Variants in FAAH2 observed in about 807,000 individuals in gnomAD.
FAAH2 encodes the protein fatty acid amide hydrolase 2, also known as fatty-acid amide hydrolase 2.
Under a neutral mutation model 36.9 loss-of-function variants are expected in FAAH2, and 60 were observed. That is an observed-to-expected ratio of 1.63 (90% CI 1.32 to 2.02). The LOEUF is 2.02. Ranked by LOEUF, FAAH2 falls within the 30% of genes most tolerant of loss-of-function variation. The pLI, the probability that FAAH2 is intolerant of heterozygous loss-of-function variation, is 0.00. For missense variants in FAAH2, 689 were observed against 397.5 expected (o/e 1.73, Z -6.23); for synonymous variants, 214 against 143.8 (o/e 1.49, Z -3.49).
chrX:57,465,196 TTAATC>T (rs1223434185), intron 10 of FAAH2, among the ~76,000 whole-genome samples: 2 of 111,444 alleles, frequency 1.8e-5, no homozygotes, highest in African/African-American at 3.2e-5. Flanking sequence ...TTGGCATAAT[TTAATC>T]TAATGAACAG....
At chrX:57,288,507 G>T (rs1160698027) in intron 1 of FAAH2, among the ~76,000 whole-genome samples, 1 of 107,990 alleles carries the variant, frequency 9.3e-6, no homozygotes, top group Non-Finnish European at 1.9e-5. Flanking sequence ...CCGCCACCAT[G>T]CCCGGCTAAT....
intron 7 of FAAH2, among the ~76,000 whole-genome samples, chrX:57,385,038 C>G (rs986114359): frequency 9.1e-6 from 1 of 110,456 alleles, no homozygotes. Flanking sequence ...GGACAGAAAA[C>G]CAAATACCGC....
chrX:57,349,738 C>A (rs1349689065), intron 5 of FAAH2, among the ~76,000 whole-genome samples: 1 of 107,777 alleles, frequency 9.3e-6, no homozygotes, highest in Non-Finnish European at 1.9e-5. Flanking sequence ...TTAAAAAAAA[C>A]CAAGGCCTCC....
At chrX:57,159,805 C>A in the FAAH2 span, among the ~76,000 whole-genome samples, 1 of 111,728 alleles carries the variant, frequency 9.0e-6, no homozygotes, top group African/African-American at 3.3e-5. Context: ...TTGACTTCCT[C>A]TTTTCCTAAA....
chrX:57,467,684 G>T (rs567457668), intron 10 of FAAH2, among the ~76,000 whole-genome samples: 1 of 112,121 alleles, frequency 8.9e-6, no homozygotes, highest in South Asian at 3.7e-4. Flanking sequence ...GCAGGGCATA[G>T]CCAAACAAAA....
At chrX:57,190,778 C>T in the FAAH2 span, among the ~76,000 whole-genome samples, 4 of 110,152 alleles carry the variant, frequency 3.6e-5, no homozygotes, top group East Asian at 8.6e-4. Context: ...GTTGGGAATG[C>T]AGAAATCACC....
intron 10 of FAAH2, among the ~76,000 whole-genome samples, chrX:57,456,066 A>G (rs1261168464): frequency 8.9e-6 from 1 of 111,874 alleles, no homozygotes; most frequent in African/African-American, 3.3e-5. Flanking sequence ...AAAGCAAATC[A>G]CAATAAATTC....
the FAAH2 span, among the ~76,000 whole-genome samples, chrX:57,125,596 A>T: frequency 5.4e-5 from 6 of 111,691 alleles, no homozygotes; most frequent in African/African-American, 2.0e-4. Flanking sequence ...TGCCTCTTGG[A>T]CCTGTTCTCC....
chrX:57,156,884 C>A, the FAAH2 span, among the ~76,000 whole-genome samples: 1 of 111,773 alleles, frequency 8.9e-6, no homozygotes, highest in African/African-American at 3.3e-5. Context: ...TGGACCTCAC[C>A]AAAGGCCCAC....
At chrX:57,132,775 G>C in the FAAH2 span, among the ~76,000 whole-genome samples, 1 of 112,447 alleles carries the variant, frequency 8.9e-6, no homozygotes, top group Non-Finnish European at 1.9e-5. Flanking sequence ...ATTAATACGT[G>C]GATGGCTTTC....
intron 3 of FAAH2, among the ~76,000 whole-genome samples, chrX:57,328,088 G>A (rs1462322341): frequency 1.8e-5 from 2 of 112,220 alleles, no homozygotes; most frequent in Non-Finnish European, 3.8e-5. Flanking sequence ...GTCTGTTGGA[G>A]TTTGCTGGAG....
At chrX:57,405,101 G>T (rs2055534098) in intron 7 of FAAH2, among the ~76,000 whole-genome samples, 2 of 111,808 alleles carry the variant, frequency 1.8e-5, no homozygotes, top group African/African-American at 6.5e-5. Flanking sequence ...CAGGTGCCTG[G>T]TATTTTCCTC....
At chrX:57,186,326 AT>A in the FAAH2 span, among the ~76,000 whole-genome samples, 2 of 112,062 alleles carry the variant, frequency 1.8e-5, no homozygotes, top group Non-Finnish European at 3.8e-5. Context: ...ACCGGTGGTG[AT>A]GAGCTTGTTT....
At chrX:57,369,617 A>G (rs1168755559) in intron 5 of FAAH2, among the ~76,000 whole-genome samples, 2 of 111,856 alleles carry the variant, frequency 1.8e-5, no homozygotes, top group Non-Finnish European at 3.8e-5. Flanking sequence ...CAACAAAACT[A>G]TTCTTCCAAA....
chrX:57,160,209 G>A, the FAAH2 span, among the ~76,000 whole-genome samples: 4 of 111,879 alleles, frequency 3.6e-5, no homozygotes, highest in South Asian at 1.5e-3. Context: ...TGGTGGATAA[G>A]CCTTTTGATG....
At chrX:57,294,149 G>C (rs2052065459) in intron 2 of FAAH2, among the ~76,000 whole-genome samples, 1 of 111,712 alleles carries the variant, frequency 9.0e-6, no homozygotes, top group Non-Finnish European at 1.9e-5. Flanking sequence ...CAATCCCTCA[G>C]TGTTAGCTCT....
the FAAH2 span, among the ~76,000 whole-genome samples, chrX:57,248,193 T>C: frequency 8.9e-6 from 1 of 112,319 alleles, no homozygotes; most frequent in Middle Eastern, 4.6e-3. Context: ...ATAATCAGAT[T>C]ACTGAGTAGC....
intron 8 of FAAH2, among the ~76,000 whole-genome samples, chrX:57,433,693 A>G (rs1461035045): frequency 8.9e-6 from 1 of 112,298 alleles, no homozygotes; most frequent in African/African-American, 3.2e-5. Flanking sequence ...CAATTGTGCT[A>G]TCAAACACTA....
chrX:57,295,267 A>C (rs1239137636), intron 2 of FAAH2, among the ~76,000 whole-genome samples: 1 of 112,235 alleles, frequency 8.9e-6, no homozygotes, highest in African/African-American at 3.2e-5. Flanking sequence ...AGGAAACTGG[A>C]ATCAACTACT....
Sources: allele counts gnomAD v4.1 joint callset (sites outside exome capture counted in the v4.1 genomes callset), GRCh38; gene constraint gnomAD v4.1.1; transcripts MANE v1.5; gene names NCBI Gene and HGNC (gene_info 2026-07-23, HGNC 2026-07-21).